BTN3A2: variants seen among roughly 807,000 people sequenced by gnomAD.
The protein encoded by BTN3A2 is butyrophilin subfamily 3 member A2.
In BTN3A2, 25 loss-of-function variants were observed where a neutral mutation model predicts 37.6. The observed-to-expected ratio is 0.66, with a 90% confidence interval of 0.48 to 0.93. The LOEUF (loss-of-function observed/expected upper bound fraction) is 0.93. BTN3A2 is among the 40% of genes least tolerant of loss of function. BTN3A2 has a pLI of 0.00. For missense variants in BTN3A2, 266 were observed against 410.9 expected (o/e 0.65, Z 3.05); for synonymous variants, 122 against 159.4 (o/e 0.77, Z 1.77).
At chr6:26,369,865 G>A (rs1759922580) in intron 4 of BTN3A2, among the ~76,000 whole-genome samples, 1 of 152,146 alleles carries the variant, frequency 6.6e-6, no homozygotes, top group Non-Finnish European at 1.5e-5. Flanking sequence ...CTCTTTCTCA[G>A]TGCAATCCCT....
chr6:26,367,368 A>G (rs961389385), intron 1 of BTN3A2, among the ~76,000 whole-genome samples: 2 of 152,212 alleles, frequency 1.3e-5, no homozygotes, highest in African/African-American at 4.8e-5. Context: ...AGTAACCATC[A>G]GGAAGTGGAA....
chr6:26,376,486 T>A lies in BTN3A2; in HGVS notation c.*724T>A, dbSNP rs1760723893. On this transcript the variant is annotated 3_prime_UTR_variant, in exon 11 of 11. Transcript: ENST00000377708. ...GACACGGGGTTCTGGAAGGACCTCC[T>A]CAGCATGGCCCAAGCCTTGCATGCT... The A allele has an allele frequency of 8.6e-7, 1 of 1,166,050 alleles. No homozygotes were observed. 72.2% of individuals were successfully genotyped at this position (1,166,050 alleles called of 1,614,324 possible).
intron 5 of BTN3A2, among the ~76,000 whole-genome samples, chr6:26,372,384 G>A (rs940037337): frequency 6.6e-6 from 1 of 152,038 alleles, no homozygotes; most frequent in Non-Finnish European, 1.5e-5. Context: ...TTTTACATTA[G>A]TAGATTAGGC....
rs1561814227 is a variant in BTN3A2, at chr6:26,376,981, A to G, written c.*1219A>G. On this transcript the variant is annotated 3_prime_UTR_variant, in exon 11 of 11. Transcript: ENST00000377708. ...GAGACTGGACATATCTCGTTCTACAATGCCACGGATGGATCTCATATCTAC... is the reference window on the plus strand; with the variant it reads ...GAGACTGGACATATCTCGTTCTACAGTGCCACGGATGGATCTCATATCTAC... 7 of 1,510,780 alleles carry G rather than the reference A, an allele frequency of 4.6e-6. No homozygotes were observed. The highest frequency in any genetic ancestry group is 5.5e-6 in the Non-Finnish European group (6 of 1,087,232). 93.6% of individuals were successfully genotyped at this position (1,510,780 alleles called of 1,614,324 possible).
At chr6:26,375,650 A>C (rs1400259274) in intron 10 of BTN3A2, 147 bp from the exon 11 acceptor site, 19 of 1,499,034 alleles carry the variant, frequency 1.3e-5, no homozygotes, top group Non-Finnish European at 1.7e-5. Flanking sequence ...TAGGGCATAT[A>C]AGGCCCCACA....
chr6:26,373,365 T>C, intron 7 of BTN3A2, 22 bp from the exon 8 acceptor site: 1 of 1,604,834 alleles, frequency 6.2e-7, no homozygotes, highest in Non-Finnish European at 8.5e-7. Context: ...TTGATGACTC[T>C]TCCCTGTTCA....
chr6:26,366,155 C>T (rs1048545098), intron 1 of BTN3A2, among the ~76,000 whole-genome samples: 8 of 151,906 alleles, frequency 5.3e-5, no homozygotes, highest in Non-Finnish European at 2.9e-5. Context: ...CTCAGAAAGC[C>T]GCTCCTAAAG....
At position 26,373,406 on chromosome 6, in the gene BTN3A2, C is replaced by T; in HGVS notation, c.957C>T (p.Tyr319=). ...TTGCAGAGAGGAAAAAAATCCAGTA[C>T]TTGACTCGTGAGTGGCTTTGACATT... ...QEELKRKKIQ[Y]LTRGEESSSD... Residue 319 remains tyrosine, a synonymous_variant, in exon 8 of 11, where the codon TAC becomes TAT. Transcript: ENST00000377708. 1 of 1,600,746 alleles carries T rather than the reference C, an allele frequency of 6.2e-7. No homozygotes were observed. The highest frequency in any genetic ancestry group is 8.5e-7 in the Non-Finnish European group (1 of 1,176,472).
rs1302966398 is a variant in BTN3A2, at chr6:26,375,797, G to A, written c.*35G>A. 35 of 1,550,166 alleles carry A rather than the reference G, an allele frequency of 2.3e-5. No homozygotes were observed. The highest frequency in any genetic ancestry group is 1.8e-4 in the Middle Eastern group (1 of 5,474). The stretch of plus-strand genomic sequence containing the variant: ...TCATATGTTTATCCCCATTTTTCAG[G>A]TGAGGAAATGCTTCAGATGAGGCTC... On this transcript the variant is annotated splice_region_variant and 3_prime_UTR_variant, in exon 11 of 11. Transcript: ENST00000377708.
intron 10 of BTN3A2, chr6:26,375,094 C>T (rs1247129466): frequency 1.9e-5 from 6 of 312,982 alleles, no homozygotes; most frequent in Non-Finnish European, 3.5e-5. Context: ...GGATTTAATG[C>T]TTCCAAGCTT....
At chr6:26,372,549 G>T in intron 5 of BTN3A2, 1 of 246,476 alleles carries the variant, frequency 4.1e-6, no homozygotes, top group Non-Finnish European at 8.0e-6. Context: ...AGGGAGGGAG[G>T]ACAGGGTGAA....
Position 26,375,998 on chromosome 6 carries a change from A to G in BTN3A2, c.*236A>G. Reference sequence around the variant, plus strand: ...GAGGAGGGCGGATCACAAGGTCAGGAGATCAAGACCATCCTGGCTAACACG... The same window carrying G: ...GAGGAGGGCGGATCACAAGGTCAGGGGATCAAGACCATCCTGGCTAACACG... On this transcript the variant is annotated 3_prime_UTR_variant, in exon 11 of 11. Transcript: ENST00000377708. 1 of 756,858 alleles carries G rather than the reference A, an allele frequency of 1.3e-6. No homozygotes were observed. The highest frequency in any genetic ancestry group is 2.1e-6 in the Non-Finnish European group (1 of 477,670). 46.9% of individuals were successfully genotyped at this position (756,858 alleles called of 1,614,324 possible).
chr6:26,376,349 G>C lies in BTN3A2; in HGVS notation c.*587G>C. On this transcript the variant is annotated 3_prime_UTR_variant, in exon 11 of 11. Transcript: ENST00000377708. ...TTGTTGCTTCTTGGGGCCGCATCAG[G>C]GTATTGGGTTAGGCAGATACTGACC... The C allele has an allele frequency of 3.8e-6, 1 of 260,450 alleles. No homozygotes were observed. The highest frequency in any genetic ancestry group is 6.9e-5 in the South Asian group (1 of 14,560). 16.1% of individuals were successfully genotyped at this position (260,450 alleles called of 1,614,324 possible). A position where few individuals can be genotyped will look rare whatever the true frequency, so the allele number is the denominator to read the frequency against.
At chr6:26,373,651 G>A (rs1345589901) in intron 8 of BTN3A2, 2 of 417,306 alleles carry the variant, frequency 4.8e-6, no homozygotes, top group Non-Finnish European at 8.3e-6. Flanking sequence ...AGACCCTTAA[G>A]CTCTAAAAAG....
In BTN3A2 at chr6:26,376,344, A is replaced by G; in HGVS notation, c.*582A>G. 1 of 245,826 alleles carries G rather than the reference A, an allele frequency of 4.1e-6. No homozygotes were observed. The highest frequency in any genetic ancestry group is 7.7e-6 in the Non-Finnish European group (1 of 129,538). 15.2% of individuals were successfully genotyped at this position (245,826 alleles called of 1,614,324 possible). A position where few individuals can be genotyped will look rare whatever the true frequency, so the allele number is the denominator to read the frequency against. ...GATCCTTGTTGCTTCTTGGGGCCGC[A>G]TCAGGGTATTGGGTTAGGCAGATAC... On this transcript the variant is annotated 3_prime_UTR_variant, in exon 11 of 11. Coordinates refer to ENST00000377708, the MANE Select transcript of BTN3A2 (RefSeq NM_007047.5).
At chr6:26,375,348 A>G in intron 10 of BTN3A2, 1 of 369,076 alleles carries the variant, frequency 2.7e-6, no homozygotes, top group Non-Finnish European at 5.0e-6. Flanking sequence ...AGGGCTAAAA[A>G]GGGGAGGCAA....
chr6:26,376,812 A>G lies in BTN3A2; in HGVS notation c.*1050A>G, dbSNP rs1260493859. On this transcript the variant is annotated 3_prime_UTR_variant, in exon 11 of 11. Coordinates refer to ENST00000377708, the MANE Select transcript of BTN3A2 (RefSeq NM_007047.5). ...ATGTAGTAAGAACGTGGAGAGGAAA[A>G]AAGTTTGGGTCAAAATGACACCGGA... 1.2e-6 allele frequency: 2 copies of G among 1,613,750 alleles called. No homozygotes were observed. Among genetic ancestry groups the G allele is most frequent in the Non-Finnish European group, 1.7e-6 (2 of 1,179,908 alleles).
At position 26,372,789 on chromosome 6, in the gene BTN3A2, A is replaced by G. The variant is rs1425450842; in HGVS notation, c.716-108A>G. ...GAGAATCCTTATTTAACCTCATGAG[A>G]TAGATTCCCCACCCCCGACCTGAGC... On this transcript the variant is annotated intron_variant, in intron 5 of 10. Coordinates refer to ENST00000377708, the MANE Select transcript of BTN3A2 (RefSeq NM_007047.5). The G allele has an allele frequency of 5.3e-6, 7 of 1,321,536 alleles. No individual in the cohort carries two copies. In the Admixed American group the frequency reaches 1.6e-4, roughly 30 times the overall value. 81.9% of individuals were successfully genotyped at this position (1,321,536 alleles called of 1,614,324 possible).
chr6:26,377,183 TG>T lies in BTN3A2; in HGVS notation c.*1425del. Reference sequence around the variant, plus strand: ...TGACCCCAGGCTTAGCTAATGAAAGTGGGGAGCCTCAGGCTGAAGTAACATC... The same window carrying T: ...TGACCCCAGGCTTAGCTAATGAAAGTGGGAGCCTCAGGCTGAAGTAACATC... On this transcript the variant is annotated 3_prime_UTR_variant, in exon 11 of 11. Coordinates refer to ENST00000377708, the MANE Select transcript of BTN3A2 (RefSeq NM_007047.5). 1 of 1,234,788 alleles carries T rather than the reference TG, an allele frequency of 8.1e-7. No individual in the cohort carries two copies. The highest frequency in any genetic ancestry group is 1.2e-6 in the Non-Finnish European group (1 of 835,948). The allele number at this position is 1,234,788 out of a possible 1,614,324, so 76.5% of individuals were successfully genotyped here.
Sources: gnomAD v4.1 joint callset for allele counts (sites outside exome capture counted in the v4.1 genomes callset) on GRCh38, gnomAD v4.1.1 for gene constraint, MANE v1.5 for transcripts, NCBI Gene and HGNC (gene_info 2026-07-23, HGNC 2026-07-21) for gene names.